FKRP: variants seen among roughly 807,000 people sequenced by gnomAD.
The protein encoded by FKRP is ribitol 5-phosphate transferase FKRP.
FKRP carries 25 observed loss-of-function variants against 30.6 expected under a neutral mutation model. That is an observed-to-expected ratio of 0.82 (90% CI 0.60 to 1.14). The LOEUF is 1.14. FKRP is among the 50% of genes most tolerant of loss of function. The pLI, the probability that FKRP is intolerant of heterozygous loss-of-function variation, is 0.00. For missense variants in FKRP, 771 were observed against 727.8 expected (o/e 1.06, Z -0.68); for synonymous variants, 358 against 342.5 (o/e 1.05, Z -0.50).
At chr19:46,746,128 G>T in intron 1 of FKRP, 38 bp downstream of exon 1, 1 of 1,487,256 alleles carries the variant, frequency 6.7e-7, no homozygotes. Flanking sequence ...TGGGGGTCGG[G>T]GGTCCCGGGA....
Position 46,755,895 on chromosome 19 carries a change from C to G in FKRP, c.445C>G (p.Arg149Gly). The change falls in exon 4 of 4, where the codon CGC becomes GGC. Residue 149 changes from arginine to glycine, a missense_variant. Physicochemically the swap from Arg to Gly is moderately radical, Grantham distance 125. Transcript: ENST00000318584. ...GLLERMVEAL[R>G]AGSARLVAAP... is the part of the protein sequence containing the mutation. The stretch of plus-strand genomic sequence containing the variant: ...GCTGGAGCGCATGGTGGAGGCGCTC[C>G]GCGCAGGAAGCGCACGTCTGGTGGC... 1 of 1,511,320 alleles carries G rather than the reference C, an allele frequency of 6.6e-7. No individual in the cohort carries two copies. Among genetic ancestry groups the G allele is most frequent in the Non-Finnish European group, 8.8e-7 (1 of 1,134,290 alleles). 93.6% of individuals were successfully genotyped at this position (1,511,320 alleles called of 1,614,324 possible).
At chr19:46,746,031 G>GCCC (rs1272490498), upstream of FKRP, 108 of 1,142,648 alleles carry the variant, frequency 9.5e-5, 1 homozygote, top group African/African-American at 1.4e-3. Flanking sequence ...GTCCCCTCCC[G>GCCC]CCCCCCCGCC....
In FKRP at chr19:46,754,692, C is replaced by T. The variant is rs183943460; in HGVS notation, c.-39-720C>T. Among the ~76,000 whole-genome samples, 209 of 152,036 alleles carry T rather than the reference C, an allele frequency of 1.4e-3. 2 individuals carry two copies. The South Asian group carries it at 0.014, about 10-fold the overall frequency. On this transcript the variant is annotated intron_variant, in intron 3 of 3. Transcript: ENST00000318584. ...TGCCATCTCCGCTCACTGCAACCTC[C>T]ATCTCTCAGGTTCAAGCGATTTCCT...
In FKRP at chr19:46,756,297, C is replaced by G; in HGVS notation, c.847C>G (p.Arg283Gly). The change falls in exon 4 of 4, where the codon CGG becomes GGG. Residue 283 changes from arginine (R) to glycine (G), a missense_variant. By Grantham distance (125) the Arg-to-Gly change is moderately radical (BLOSUM62 -2). Transcript: ENST00000318584. This position sits in a 1 kb window ranked among gnomAD's most constrained non-coding sequence, Gnocchi z 6.6. ...GIRLVSWEGG[R>G]LEWFGCNKET... ...CCGCCTAGTGAGCTGGGAAGGCGGGCGGCTGGAGTGGTTCGGCTGCAACAA... is the reference window on the plus strand; with the variant it reads ...CCGCCTAGTGAGCTGGGAAGGCGGGGGGCTGGAGTGGTTCGGCTGCAACAA... 1 of 1,535,308 alleles carries G rather than the reference C, an allele frequency of 6.5e-7. No homozygotes were observed. The highest frequency in any genetic ancestry group is 8.7e-7 in the Non-Finnish European group (1 of 1,145,406).
intron 3 of FKRP, among the ~76,000 whole-genome samples, chr19:46,750,200 G>GGGGTTTGTTGCCCTTAGAGGCGGTGA (rs2054764339): frequency 6.6e-6 from 1 of 152,200 alleles, no homozygotes; most frequent in South Asian, 2.1e-4. Context: ...CCCCAACGAA[G>GGGGTTTGTTGCCCTTAGAGGCGGTGA]GGGTTTGTTG....
In FKRP at chr19:46,756,643, T is replaced by C; in HGVS notation, c.1193T>C (p.Val398Ala). ...DERGFVWEKAVEGDFFRVQYS... is the reference protein window; with the variant it reads ...DERGFVWEKAAEGDFFRVQYS... ...CGCGGCTTCGTATGGGAGAAGGCGG[T>C]CGAGGGCGACTTTTTCCGCGTGCAG... Residue 398 changes from valine to alanine, a missense_variant, in exon 4 of 4, where the codon GTC becomes GCC. Coordinates refer to ENST00000318584, the MANE Select transcript of FKRP (RefSeq NM_024301.5). This position sits in a 1 kb window ranked among gnomAD's most constrained non-coding sequence, Gnocchi z 6.6. 6.2e-7 allele frequency: 1 copy of C among 1,613,136 alleles called. No individual in the cohort carries two copies.
chr19:46,756,258 C>A lies in FKRP; in HGVS notation c.808C>A (p.Arg270Ser). The A allele has an allele frequency of 6.7e-7, 1 of 1,488,360 alleles. No individual in the cohort carries two copies. The highest frequency in any genetic ancestry group is 8.9e-7 in the Non-Finnish European group (1 of 1,121,952). The allele number at this position is 1,488,360 out of a possible 1,614,324, so 92.2% of individuals were successfully genotyped here. A position where few individuals can be genotyped will look rare whatever the true frequency, so the allele number is the denominator to read the frequency against. Residue 270 changes from arginine (R) to serine (S), a missense_variant, in exon 4 of 4, where the codon CGC (arginine) becomes AGC (serine). Coordinates refer to ENST00000318584, the MANE Select transcript of FKRP (RefSeq NM_024301.5). This position sits in a 1 kb window ranked among gnomAD's most constrained non-coding sequence, Gnocchi z 6.6. ...ACGCGCTCGGCGGGCGGCGCTGCTC[C>A]GCGCGCTGGGCATCCGCCTAGTGAG... Reference protein sequence around the residue: ...EGRARRAALLRALGIRLVSWE... With the variant: ...EGRARRAALLSALGIRLVSWE...
In FKRP at chr19:46,757,149, G is replaced by C. The variant is rs1260340040; in HGVS notation, c.*211G>C. On this transcript the variant is annotated 3_prime_UTR_variant, in exon 4 of 4. Transcript: ENST00000318584. The stretch of plus-strand genomic sequence containing the variant: ...GAAGCGACCTCCAGATTTATCAAAT[G>C]GTCATGCCCACTGGGAGCCGTGGAT... The C allele has an allele frequency of 1.5e-6, 1 of 676,616 alleles. No homozygotes were observed. The highest frequency in any genetic ancestry group is 1.8e-5 in the African/African-American group (1 of 55,170). The allele number at this position is 676,616 out of a possible 1,614,324, so 41.9% of individuals were successfully genotyped here.
chr19:46,751,415 G>A (rs112412237), intron 3 of FKRP, among the ~76,000 whole-genome samples: 23 of 148,710 alleles, frequency 1.5e-4, no homozygotes, highest in African/African-American at 5.5e-4. Flanking sequence ...TTTTGTTGTT[G>A]TTGCCCAGGC....
upstream of FKRP, chr19:46,746,030 C>G: frequency 1.7e-6 from 2 of 1,211,962 alleles, no homozygotes; most frequent in Non-Finnish European, 2.1e-6. Flanking sequence ...GGTCCCCTCC[C>G]GCCCCCCCGC....
In FKRP at chr19:46,746,102, C is replaced by G; in HGVS notation, c.-253+12C>G. ...GGCGGCGGCAGCGGGTGAGGCCGGG[C>G]CGGGCCGGGCCGGGTTGGGGGTCGG... On this transcript the variant is annotated intron_variant, in intron 1 of 3. Transcript: ENST00000318584. 7.3e-7 allele frequency: 1 copy of G among 1,373,678 alleles called. No homozygotes were observed. 85.1% of individuals were successfully genotyped at this position (1,373,678 alleles called of 1,614,324 possible).
chr19:46,748,338 C>T (rs896529678), intron 2 of FKRP, among the ~76,000 whole-genome samples, 177 bp from the exon 3 acceptor site: 8 of 152,008 alleles, frequency 5.3e-5, no homozygotes, highest in Non-Finnish European at 8.8e-5. Context: ...CCACCACGCC[C>T]GGCTAATTTT....
chr19:46,746,076 C>T lies in FKRP; in HGVS notation c.-267C>T. 1.6e-6 allele frequency: 2 copies of T among 1,236,630 alleles called. No individual in the cohort carries two copies. Among genetic ancestry groups the T allele is most frequent in the Non-Finnish European group, 2.0e-6 (2 of 978,638 alleles). The allele number at this position is 1,236,630 out of a possible 1,614,324, so 76.6% of individuals were successfully genotyped here. Reference sequence around the variant, plus strand: ...GGCGGCCATTGCTCCAAGATGGCGGCGGCGGCGGCAGCGGGTGAGGCCGGG... The same window carrying T: ...GGCGGCCATTGCTCCAAGATGGCGGTGGCGGCGGCAGCGGGTGAGGCCGGG... On this transcript the variant is annotated 5_prime_UTR_variant, in exon 1 of 4. Transcript: ENST00000318584.
In FKRP at chr19:46,756,164, G is replaced by C. The variant is rs1448342428; in HGVS notation, c.714G>C (p.Leu238Phe). The C allele has an allele frequency of 5.5e-6, 8 of 1,455,648 alleles. No homozygotes were observed. The allele number at this position is 1,455,648 out of a possible 1,614,324, so 90.2% of individuals were successfully genotyped here. ...LRGWAVQLLD[L>F]TFAAARQPPL... ...GCTGGGCGGTGCAGCTGCTGGACTT[G>C]ACCTTCGCCGCGGCGCGCCAGCCCC... Residue 238 changes from leucine (L) to phenylalanine (F), a missense_variant, in exon 4 of 4, where the codon TTG becomes TTC. By Grantham distance (22) the Leu-to-Phe change is conservative. Transcript: ENST00000318584. The surrounding 1 kb of genome is among the most constrained non-coding windows in gnomAD (Gnocchi z 6.6).
At chr19:46,754,364 T>C (rs1281667514) in intron 3 of FKRP, 1 of 133,234 alleles carries the variant, frequency 7.5e-6, no homozygotes, top group African/African-American at 2.9e-5. Context: ...TTTCTTTTTT[T>C]TTTTTAATTT....
intron 3 of FKRP, among the ~76,000 whole-genome samples, chr19:46,752,647 G>T (rs1388492247): frequency 6.6e-6 from 1 of 152,172 alleles, no homozygotes; most frequent in Non-Finnish European, 1.5e-5. Flanking sequence ...GATCACTTGA[G>T]GTCAGGAGTT....
At chr19:46,746,463 T>C (rs2054626739) in intron 1 of FKRP, 1 of 982,222 alleles carries the variant, frequency 1.0e-6, no homozygotes. Context: ...GCGCCCGCTG[T>C]GCCTCGCGCG....
At position 46,755,610 on chromosome 19, in the gene FKRP, C is replaced by CGGGA. The variant is rs886042506; in HGVS notation, c.162_165dup (p.Phe56GlyfsTer6). On this transcript the variant is annotated frameshift_variant, in exon 4 of 4. Coordinates refer to ENST00000318584, the MANE Select transcript of FKRP (RefSeq NM_024301.5). LOFTEE classifies it high-confidence loss of function. Reference sequence around the variant, plus strand: ...CGGCCCCCGTGTCACCGTCCTGGTGCGGGAGTTCGAGGCATTTGACAACGC... The same window carrying CGGGA: ...CGGCCCCCGTGTCACCGTCCTGGTGCGGGAGGGAGTTCGAGGCATTTGACAACGC... 2.4e-5 allele frequency: 38 copies of CGGGA among 1,604,934 alleles called. No homozygotes were observed. Among genetic ancestry groups the CGGGA allele is most frequent in the Non-Finnish European group, 2.9e-5 (34 of 1,177,352 alleles).
Position 46,757,826 on chromosome 19 carries a change from A to G in FKRP, c.*888A>G. 6.0e-6 allele frequency: 1 copy of G among 167,100 alleles called. No individual in the cohort carries two copies. The highest frequency in any genetic ancestry group is 1.5e-5 in the Non-Finnish European group (1 of 68,352). 10.4% of individuals were successfully genotyped at this position (167,100 alleles called of 1,614,324 possible). A position where few individuals can be genotyped will look rare whatever the true frequency, so the allele number is the denominator to read the frequency against. ...GGGGGCTCACGCCTGTAATCCCAGC[A>G]CTTTGGGAGGCCGAGGTGGGAGGAT... is the stretch of plus-strand genomic sequence containing the variant. On this transcript the variant is annotated 3_prime_UTR_variant, in exon 4 of 4. Coordinates refer to ENST00000318584, the MANE Select transcript of FKRP (RefSeq NM_024301.5).
Sources: gnomAD v4.1 joint callset for allele counts (sites outside exome capture counted in the v4.1 genomes callset) on GRCh38, gnomAD v4.1.1 for gene constraint, Gnocchi (gnomAD v3.1) non-coding constraint, MANE v1.5 for transcripts, NCBI Gene and HGNC (gene_info 2026-07-23, HGNC 2026-07-21) for gene names.